LRP1B: variants seen among roughly 807,000 people sequenced by gnomAD.
LRP1B encodes low-density lipoprotein receptor-related protein 1B.
Under a neutral mutation model 556.6 loss-of-function variants are expected in LRP1B, and 217 were observed. The ratio of observed to expected loss-of-function variants is 0.39; its 90% CI spans 0.35 to 0.44. The LOEUF (loss-of-function observed/expected upper bound fraction) is 0.44. Ranked by LOEUF, LRP1B falls within the 20% of genes least tolerant of loss-of-function variation. LRP1B has a pLI of 1.00. For synonymous variants in LRP1B, 2,047 were observed against 1,865.8 expected, an observed-to-expected ratio of 1.10 and a Z score of -2.50; for missense variants, 5,053 against 5,620.8, an observed-to-expected ratio of 0.90 and a Z score of 3.23.
chr2:141,007,541 C>T (rs531173487), intron 14 of LRP1B, among the ~76,000 whole-genome samples: 1 of 151,374 alleles, frequency 6.6e-6, no homozygotes, highest in East Asian at 2.0e-4. Context: ...TTCCAGATAA[C>T]GTCATGTTTA....
At chr2:141,173,085 C>T (rs755107163) in intron 7 of LRP1B, among the ~76,000 whole-genome samples, 2 of 151,494 alleles carry the variant, frequency 1.3e-5, no homozygotes, top group Non-Finnish European at 2.9e-5. Context: ...CACTTTATAT[C>T]CATAGCTTCA....
chr2:141,366,090 C>T (rs748233809), intron 3 of LRP1B, among the ~76,000 whole-genome samples: 3 of 152,142 alleles, frequency 2.0e-5, no homozygotes, highest in Non-Finnish European at 4.4e-5. Context: ...TTTTTCTGCT[C>T]TTATTTCTTT....
At chr2:140,489,669 C>T (rs1688618520) in intron 57 of LRP1B, among the ~76,000 whole-genome samples, 1 of 152,002 alleles carries the variant, frequency 6.6e-6, no homozygotes, top group Non-Finnish European at 1.5e-5. Flanking sequence ...TGTTCAACTG[C>T]TTTTCTCTCC....
At chr2:141,037,870 A>G (rs1698578736) in intron 11 of LRP1B, among the ~76,000 whole-genome samples, 2 of 151,316 alleles carry the variant, frequency 1.3e-5, no homozygotes, top group Non-Finnish European at 2.9e-5. Flanking sequence ...ACACAGACAC[A>G]TGCGCACGTG....
At chr2:141,467,244 G>A (rs1478050628) in intron 3 of LRP1B, among the ~76,000 whole-genome samples, 3 of 151,612 alleles carry the variant, frequency 2.0e-5, no homozygotes, top group African/African-American at 7.3e-5. Flanking sequence ...GTGGGTAATA[G>A]ACAGTCAATA....
At chr2:141,737,328 G>A (rs1693513359) in intron 2 of LRP1B, among the ~76,000 whole-genome samples, 1 of 152,122 alleles carries the variant, frequency 6.6e-6, no homozygotes, top group Non-Finnish European at 1.5e-5. Context: ...CTCCAGGCTG[G>A]ACAACAGAGC....
intron 43 of LRP1B, among the ~76,000 whole-genome samples, chr2:140,579,728 G>A (rs182292209): frequency 8.9e-4 from 135 of 152,250 alleles, no homozygotes; most frequent in Middle Eastern, 6.8e-3. Flanking sequence ...TGTAATCCCA[G>A]CTACTTGGGA....
At chr2:141,221,747 C>T (rs113284978) in intron 6 of LRP1B, among the ~76,000 whole-genome samples, 7 of 152,230 alleles carry the variant, frequency 4.6e-5, no homozygotes, top group African/African-American at 1.7e-4. Context: ...ATAGCACAAT[C>T]AAATTAGAAT....
At chr2:140,854,332 T>C (rs373417112) in intron 27 of LRP1B, among the ~76,000 whole-genome samples, 82 of 152,268 alleles carry the variant, frequency 5.4e-4, no homozygotes, top group African/African-American at 1.9e-3. Context: ...ATTAAGTTTC[T>C]ATGTACATAC....
At chr2:140,409,982 C>CA (rs1684903059) in intron 66 of LRP1B, among the ~76,000 whole-genome samples, 1 of 151,978 alleles carries the variant, frequency 6.6e-6, no homozygotes, top group Non-Finnish European at 1.5e-5. Context: ...AGAGGTAATT[C>CA]AAAAACATGG....
At chr2:141,159,864 C>A (rs2105108222) in intron 7 of LRP1B, among the ~76,000 whole-genome samples, 1 of 152,156 alleles carries the variant, frequency 6.6e-6, no homozygotes, top group Middle Eastern at 3.4e-3. Flanking sequence ...AACCTGGAAG[C>A]CATCATCCTC....
intron 3 of LRP1B, among the ~76,000 whole-genome samples, chr2:141,260,816 A>C (rs546621224): frequency 3.2e-4 from 49 of 152,334 alleles, no homozygotes; most frequent in Non-Finnish European, 6.5e-4. Flanking sequence ...GAATGGTATA[A>C]GCACCTTTCC....
At chr2:141,086,957 T>C (rs1700061942) in intron 7 of LRP1B, among the ~76,000 whole-genome samples, 1 of 152,094 alleles carries the variant, frequency 6.6e-6, no homozygotes, top group South Asian at 2.1e-4. Flanking sequence ...AAGGAACATA[T>C]TGGTGGTTGT....
chr2:140,655,032 G>GTATATATATA (rs145869246), intron 41 of LRP1B, among the ~76,000 whole-genome samples: 1 of 147,094 alleles, frequency 6.8e-6, no homozygotes, highest in Non-Finnish European at 1.5e-5. Flanking sequence ...GTATATGTAT[G>GTATATATATA]TATATATATA....
At chr2:141,748,866 C>T (rs1694004886) in intron 2 of LRP1B, among the ~76,000 whole-genome samples, 1 of 152,128 alleles carries the variant, frequency 6.6e-6, no homozygotes, top group Non-Finnish European at 1.5e-5. Context: ...TCACTTCTGC[C>T]TTGATCCAAC....
chr2:140,472,860 A>G (rs1687826289), intron 60 of LRP1B, among the ~76,000 whole-genome samples: 1 of 152,034 alleles, frequency 6.6e-6, no homozygotes, highest in Non-Finnish European at 1.5e-5. Context: ...TATATTCTCA[A>G]ATTACTTTGT....
intron 18 of LRP1B, among the ~76,000 whole-genome samples, chr2:140,965,896 T>TA (rs542233273): frequency 3.3e-5 from 5 of 150,006 alleles, no homozygotes; most frequent in African/African-American, 4.9e-5. Context: ...ATCCTTTTTT[T>TA]ATGGCTGCAT....
At chr2:141,965,960 T>C (rs1175277334) in intron 1 of LRP1B, among the ~76,000 whole-genome samples, 2 of 151,774 alleles carry the variant, frequency 1.3e-5, no homozygotes, top group African/African-American at 4.8e-5. Flanking sequence ...AATGAATATA[T>C]TGTCTCATCA....
chr2:140,850,102 C>A lies in LRP1B; in HGVS notation c.4939G>T (p.Asp1647Tyr). ...GTTGTAACATGTACGAATCTTTTAC[C>A]TCTTGAAATAACAGTTTCTAACCCA... Reference protein sequence around the residue: ...GTGLETVISRDIQSIRGLAVD... With the variant: ...GTGLETVISRYIQSIRGLAVD... Residue 1647 changes from aspartate to tyrosine, a missense_variant and splice_region_variant, in exon 29 of 91, where the codon GAT becomes TAT. Coordinates refer to ENST00000389484, the MANE Select transcript of LRP1B (RefSeq NM_018557.3). The A allele has an allele frequency of 6.3e-7, 1 of 1,578,918 alleles. No individual in the cohort carries two copies. Among genetic ancestry groups the A allele is most frequent in the South Asian group, 1.1e-5 (1 of 89,704 alleles).
Sources: gnomAD v4.1 joint callset for allele counts (sites outside exome capture counted in the v4.1 genomes callset) on GRCh38, gnomAD v4.1.1 for gene constraint, MANE v1.5 for transcripts, NCBI Gene and HGNC (gene_info 2026-07-23, HGNC 2026-07-21) for gene names.